Variants in ATP10B observed in about 807,000 individuals in gnomAD.
The protein encoded by ATP10B is ATPase phospholipid transporting 10B (putative).
In ATP10B, 122 loss-of-function variants were observed where a neutral mutation model predicts 141.2. The observed-to-expected ratio is 0.86, with a 90% CI of 0.75 to 1.00. The LOEUF (loss-of-function observed/expected upper bound fraction) is 1.00. ATP10B is among the 50% of genes least tolerant of loss of function. The pLI is 0.00. For missense variants in ATP10B, 1,876 were observed against 1,825.3 expected (o/e 1.03, Z -0.51); for synonymous variants, 685 against 692.0 (o/e 0.99, Z 0.16).
the ATP10B span, among the ~76,000 whole-genome samples, chr5:160,897,097 GAA>G: frequency 6.6e-6 from 1 of 152,118 alleles, no homozygotes; most frequent in African/African-American, 2.4e-5. Context: ...TACTGAATGG[GAA>G]AAAGCTGGAA....
chr5:160,608,453 G>A (rs1385974918), intron 18 of ATP10B, among the ~76,000 whole-genome samples: 1 of 152,136 alleles, frequency 6.6e-6, no homozygotes, highest in Non-Finnish European at 1.5e-5. Context: ...CCAGTAATGG[G>A]ATGTCTGGGT....
chr5:160,663,570 A>T (rs894320766), intron 7 of ATP10B, among the ~76,000 whole-genome samples: 5 of 152,144 alleles, frequency 3.3e-5, no homozygotes, highest in Non-Finnish European at 5.9e-5. Context: ...GTTCTCACTC[A>T]TAGATGGGAA....
intron 13 of ATP10B, among the ~76,000 whole-genome samples, chr5:160,625,517 C>T (rs531080070): frequency 1.3e-5 from 2 of 152,136 alleles, no homozygotes; most frequent in East Asian, 3.9e-4. Flanking sequence ...AGCTAAATCC[C>T]CTATTTTCCT....
intron 6 of ATP10B, among the ~76,000 whole-genome samples, chr5:160,674,371 A>T (rs536138560): frequency 2.0e-5 from 3 of 152,290 alleles, no homozygotes; most frequent in African/African-American, 7.2e-5. Flanking sequence ...CTTGTGGCAT[A>T]TGTGTTTTTC....
intron 1 of ATP10B, among the ~76,000 whole-genome samples, chr5:160,801,830 C>G (rs954054406): frequency 1.1e-4 from 17 of 152,126 alleles, no homozygotes; most frequent in Non-Finnish European, 5.9e-5. Context: ...AAGAGGTTTA[C>G]GTGATCCTTC....
intron 2 of ATP10B, among the ~76,000 whole-genome samples, chr5:160,732,293 A>C (rs1286082725): frequency 6.6e-6 from 1 of 152,222 alleles, no homozygotes; most frequent in Non-Finnish European, 1.5e-5. Context: ...GAGTTAGTAA[A>C]TCTGAAGATA....
At position 160,602,758 on chromosome 5, in the gene ATP10B, G is replaced by A. The variant is rs1581184859; in HGVS notation, c.3238-56C>T. 9 of 1,609,576 alleles carry A rather than the reference G, an allele frequency of 5.6e-6. No homozygotes were observed. In the East Asian group the frequency reaches 1.1e-4, roughly 20 times the overall value. On this transcript the variant is annotated intron_variant, in intron 20 of 25. Coordinates refer to ENST00000327245, the MANE Select transcript of ATP10B (RefSeq NM_025153.3). ...CATCCATGGCTGCCAGTGCCCCAGA[G>A]GGACTCTCTCAAGGGCGTTGCTTTG...
rs1193180455 is a variant in ATP10B at position 160,653,568 on chromosome 5, CATATACAT to C, written c.676-4320_676-4313del. ...TACATACATATATACATATATATTA[CATATACAT>C]ATATACATATATACATATATACATA... is the stretch of plus-strand genomic sequence containing the variant. On this transcript the variant is annotated intron_variant, in intron 7 of 25. Coordinates refer to ENST00000327245, the MANE Select transcript of ATP10B (RefSeq NM_025153.3). Among the ~76,000 whole-genome samples the C allele has an allele frequency of 7.6e-3, 550 of 72,066 alleles. 12 individuals carry two copies. The highest frequency in any genetic ancestry group is 0.037 in the East Asian group (108 of 2,890). 47.3% of individuals were successfully genotyped at this position (72,066 alleles called of 152,430 possible).
chr5:160,871,884 G>A, the ATP10B span, among the ~76,000 whole-genome samples: 1 of 152,014 alleles, frequency 6.6e-6, no homozygotes, highest in Admixed American at 6.6e-5. Context: ...TTGGTATAAT[G>A]ACTTATTTTC....
At chr5:160,858,013 A>C in the ATP10B span, among the ~76,000 whole-genome samples, 1 of 152,010 alleles carries the variant, frequency 6.6e-6, no homozygotes, top group East Asian at 1.9e-4. Context: ...ATTGTCTATT[A>C]ATCTGTTTTA....
chr5:160,652,922 ATATATT>A (rs1760946814), intron 7 of ATP10B, among the ~76,000 whole-genome samples: 1 of 80,950 alleles, frequency 1.2e-5, no homozygotes, highest in South Asian at 3.4e-4. Context: ...TGTATATATA[ATATATT>A]ATATATACAT....
intron 2 of ATP10B, among the ~76,000 whole-genome samples, chr5:160,752,164 GT>G (rs1768197044): frequency 7.1e-6 from 1 of 141,596 alleles, no homozygotes; most frequent in African/African-American, 2.7e-5. Context: ...CAGGGGGCAA[GT>G]CCCCCTACTT....
chr5:160,579,096 T>C (rs557496660), intron 24 of ATP10B, among the ~76,000 whole-genome samples: 1 of 152,244 alleles, frequency 6.6e-6, no homozygotes, highest in African/African-American at 2.4e-5. Context: ...ATGGATAGAT[T>C]GCAAAAATTT....
In ATP10B at chr5:160,567,777, C is replaced by T. The variant is rs1365139545; in HGVS notation, c.3938+1719G>A. Among the ~76,000 whole-genome samples, 10 of 152,010 alleles carry T rather than the reference C, an allele frequency of 6.6e-5. 1 individual carries two copies. Among genetic ancestry groups the T allele is most frequent in the African/African-American group, 2.2e-4 (9 of 41,380 alleles). On this transcript the variant is annotated intron_variant, in intron 25 of 25. Coordinates refer to ENST00000327245, the MANE Select transcript of ATP10B (RefSeq NM_025153.3). ...GGTTTATGGTTTTTGTGCTTTATTG[C>T]AGAGGTCTTGGGAAGCCCTTGGAGG...
At chr5:160,890,320 C>A in the ATP10B span, among the ~76,000 whole-genome samples, 1 of 152,144 alleles carries the variant, frequency 6.6e-6, no homozygotes, top group Non-Finnish European at 1.5e-5. Flanking sequence ...TTAAAATTAA[C>A]CATTTTAACA....
intron 2 of ATP10B, among the ~76,000 whole-genome samples, chr5:160,731,638 T>G (rs993616595): frequency 9.9e-5 from 15 of 152,010 alleles, no homozygotes; most frequent in South Asian, 2.1e-4. Context: ...AGAGTACGAG[T>G]ACTGGTGGAA....
At chr5:160,897,309 C>T in the ATP10B span, among the ~76,000 whole-genome samples, 1 of 152,080 alleles carries the variant, frequency 6.6e-6, no homozygotes, top group Non-Finnish European at 1.5e-5. Flanking sequence ...ATCTCAACCC[C>T]AAATTCCTTA....
intron 1 of ATP10B, among the ~76,000 whole-genome samples, chr5:160,824,023 A>G (rs967844701): frequency 1.3e-5 from 2 of 152,016 alleles, no homozygotes; most frequent in African/African-American, 4.8e-5. Context: ...CCATGTTTAC[A>G]CATTTTTCTT....
At position 160,818,865 on chromosome 5, in the gene ATP10B, T is replaced by C. The variant is rs567394839; in HGVS notation, c.-575-33062A>G. On this transcript the variant is annotated intron_variant, in intron 1 of 25. Coordinates refer to ENST00000327245, the MANE Select transcript of ATP10B (RefSeq NM_025153.3). ...TCCTTGGTAGGGACATGGATGAAGC[T>C]GGAAACCATCATTCTCAGCAAACTA... Among the ~76,000 whole-genome samples the C allele has an allele frequency of 7.2e-5, 11 of 152,284 alleles. No homozygotes were observed. The South Asian group carries it at 2.3e-3, about 32-fold the overall frequency.
Sources: allele counts gnomAD v4.1 joint callset (sites outside exome capture counted in the v4.1 genomes callset), GRCh38; gene constraint gnomAD v4.1.1; transcripts MANE v1.5; gene names NCBI Gene and HGNC (gene_info 2026-07-23, HGNC 2026-07-21).